ATRAID: variants seen among roughly 807,000 people sequenced by gnomAD.
The protein encoded by ATRAID is all-trans retinoic acid-induced differentiation factor.
A neutral mutation model predicts 28.8 loss-of-function variants in ATRAID; 26 were observed. The ratio of observed to expected loss-of-function variants is 0.90; its 90% CI spans 0.66 to 1.25. The LOEUF (loss-of-function observed/expected upper bound fraction) is 1.25. Ranked by LOEUF, ATRAID falls within the 50% of genes most tolerant of loss-of-function variation. The probability of loss-of-function intolerance (pLI) is 0.00; values close to 1 mark genes in which losing one functional copy is unlikely to be tolerated. For missense variants in ATRAID, 308 were observed against 285.9 expected (o/e 1.08, Z -0.56); for synonymous variants, 131 against 108.5 (o/e 1.21, Z -1.29).
At chr2:27,212,885 G>T in intron 1 of ATRAID, 1 of 455,822 alleles carries the variant, frequency 2.2e-6, no homozygotes, top group Non-Finnish European at 3.8e-6. Flanking sequence ...AGAAGTCTCT[G>T]CAGAAAGCAT....
At chr2:27,216,438 G>A in intron 5 of ATRAID, 85 bp from the exon 6 acceptor site, 1 of 1,069,534 alleles carries the variant, frequency 9.3e-7, no homozygotes, top group Non-Finnish European at 1.4e-6. Context: ...CAATGATTGA[G>A]AGAATCTAAG....
intron 5 of ATRAID, 51 bp from the exon 6 acceptor site, chr2:27,216,472 T>C (rs761831198): frequency 2.0e-5 from 27 of 1,330,712 alleles, no homozygotes; most frequent in Non-Finnish European, 2.9e-5. Flanking sequence ...TTGAGAAATA[T>C]GCCTAATGAA....
In ATRAID at chr2:27,216,595, T is replaced by G; in HGVS notation, c.560T>G (p.Phe187Cys). 6.2e-7 allele frequency: 1 copy of G among 1,614,124 alleles called. No individual in the cohort carries two copies. ...TTGCAGTGTGTTTGTGCTGATGGTT[T>G]CCATGGATACAAGTGTATGCGCCAG... is the stretch of plus-strand genomic sequence containing the variant. Reference protein sequence around the residue: ...GLLQCVCADGFHGYKCMRQGS... With the variant: ...GLLQCVCADGCHGYKCMRQGS... The change falls in exon 6 of 7, where the codon TTC becomes TGC. Residue 187 changes from phenylalanine (F) to cysteine (C), a missense_variant. By Grantham distance (205) the Phe-to-Cys change is radical. Transcript: ENST00000380171.
At position 27,212,067 on chromosome 2, in the gene ATRAID, C is replaced by T; in HGVS notation, c.-302C>T. 8.4e-7 allele frequency: 1 copy of T among 1,191,936 alleles called. No homozygotes were observed. Among genetic ancestry groups the T allele is most frequent in the Non-Finnish European group, 1.1e-6 (1 of 876,600 alleles). 73.8% of individuals were successfully genotyped at this position (1,191,936 alleles called of 1,614,324 possible). The stretch of plus-strand genomic sequence containing the variant: ...AGTTTCTGCGAAGCCGCGACCTCGG[C>T]GTCCGGACGCGGGGAACACCGGGCT... On this transcript the variant is annotated 5_prime_UTR_variant, in exon 1 of 7. Coordinates refer to ENST00000380171, the MANE Select transcript of ATRAID (RefSeq NM_001170795.4).
intron 1 of ATRAID, 22 bp from the exon 2 acceptor site, chr2:27,213,155 A>G (rs1674672320): frequency 1.2e-6 from 2 of 1,605,964 alleles, no homozygotes; most frequent in Non-Finnish European, 1.7e-6. Flanking sequence ...CTGGAGTTCT[A>G]ATGTTTCTTT....
chr2:27,216,797 C>T lies in ATRAID; in HGVS notation c.586-47C>T, dbSNP rs762897150. On this transcript the variant is annotated intron_variant, in intron 6 of 6. Coordinates refer to ENST00000380171, the MANE Select transcript of ATRAID (RefSeq NM_001170795.4). ...AAGAACTAGGTGTTAGGATGTGGCC[C>T]TCCGTGTAACGTTGTATGGGGGTGT... is the stretch of plus-strand genomic sequence containing the variant. 9 of 1,540,232 alleles carry T rather than the reference C, an allele frequency of 5.8e-6. No individual in the cohort carries two copies. The Admixed American group carries it at 1.5e-4, about 26-fold the overall frequency.
At chr2:27,212,499 C>G in intron 1 of ATRAID, 32 bp downstream of exon 1, 1 of 1,544,046 alleles carries the variant, frequency 6.5e-7, no homozygotes, top group Admixed American at 2.1e-5. Context: ...CGGGCTGAAG[C>G]AGGGTCGCTG....
chr2:27,212,072 G>T lies in ATRAID; in HGVS notation c.-297G>T. 5 of 1,263,266 alleles carry T rather than the reference G, an allele frequency of 4.0e-6. No individual in the cohort carries two copies. Among genetic ancestry groups the T allele is most frequent in the Non-Finnish European group, 5.3e-6 (5 of 941,030 alleles). The allele number at this position is 1,263,266 out of a possible 1,614,324, so 78.3% of individuals were successfully genotyped here. A position where few individuals can be genotyped will look rare whatever the true frequency, so the allele number is the denominator to read the frequency against. On this transcript the variant is annotated 5_prime_UTR_variant, in exon 1 of 7. Coordinates refer to ENST00000380171, the MANE Select transcript of ATRAID (RefSeq NM_001170795.4). ...CTGCGAAGCCGCGACCTCGGCGTCC[G>T]GACGCGGGGAACACCGGGCTGAGGG...
intron 2 of ATRAID, chr2:27,213,545 T>C (rs1388885722): frequency 2.8e-6 from 1 of 351,246 alleles, no homozygotes; most frequent in Non-Finnish European, 5.1e-6. Flanking sequence ...ACTCAAAATG[T>C]TATGTTTTGC....
Position 27,212,050 on chromosome 2 carries a change from C to A in ATRAID, c.-319C>A. 9.7e-7 allele frequency: 1 copy of A among 1,033,734 alleles called. No homozygotes were observed. The highest frequency in any genetic ancestry group is 1.4e-6 in the Non-Finnish European group (1 of 736,188). 64.0% of individuals were successfully genotyped at this position (1,033,734 alleles called of 1,614,324 possible). A position where few individuals can be genotyped will look rare whatever the true frequency, so the allele number is the denominator to read the frequency against. ...GCGGATGGAGGGGCCCGAGTTTCTG[C>A]GAAGCCGCGACCTCGGCGTCCGGAC... is the stretch of plus-strand genomic sequence containing the variant. On this transcript the variant is annotated 5_prime_UTR_variant, in exon 1 of 7. Coordinates refer to ENST00000380171, the MANE Select transcript of ATRAID (RefSeq NM_001170795.4).
At position 27,216,941 on chromosome 2, in the gene ATRAID, C is replaced by T. The variant is rs1428739106; in HGVS notation, c.683C>T (p.Thr228Ile). The change falls in exon 7 of 7, where the codon ACT becomes ATT. Residue 228 changes from threonine to isoleucine, a missense_variant. Thr to Ile is a moderately conservative substitution (Grantham distance 89). Transcript: ENST00000380171. ...LWATQRRKAK[T>I]S is the part of the protein sequence containing the mutation. Reference sequence around the variant, plus strand: ...GCGACCCAGCGCCGAAAAGCCAAGACTTCATGAACTACATAGGTCTTACCA... The same window carrying T: ...GCGACCCAGCGCCGAAAAGCCAAGATTTCATGAACTACATAGGTCTTACCA... 6.2e-7 allele frequency: 1 copy of T among 1,608,864 alleles called. No homozygotes were observed. The highest frequency in any genetic ancestry group is 2.2e-5 in the East Asian group (1 of 44,830).
chr2:27,212,701 T>G (rs1327683003), intron 1 of ATRAID: 8 of 1,301,094 alleles, frequency 6.1e-6, no homozygotes, highest in Non-Finnish European at 8.0e-6. Context: ...GCCCCTTAAT[T>G]TTAGAATAAC....
At chr2:27,216,686 G>A in intron 6 of ATRAID, 66 bp downstream of exon 6, 1 of 1,503,444 alleles carries the variant, frequency 6.7e-7, no homozygotes, top group Admixed American at 1.7e-5. Context: ...TCAGAAAGGA[G>A]AGCCACAAGA....
Position 27,212,099 on chromosome 2 carries a change from G to C in ATRAID, c.-270G>C. ...ACGCGGGGAACACCGGGCTGAGGGA[G>C]TCTGCAGTCGGCTCCGGGAAGCCGC... is the stretch of plus-strand genomic sequence containing the variant. On this transcript the variant is annotated 5_prime_UTR_variant, in exon 1 of 7. Transcript: ENST00000380171. 1 of 1,444,004 alleles carries C rather than the reference G, an allele frequency of 6.9e-7. No individual in the cohort carries two copies. The highest frequency in any genetic ancestry group is 9.2e-7 in the Non-Finnish European group (1 of 1,085,472). The allele number at this position is 1,444,004 out of a possible 1,614,324, so 89.4% of individuals were successfully genotyped here. A position where few individuals can be genotyped will look rare whatever the true frequency, so the allele number is the denominator to read the frequency against.
intron 1 of ATRAID, 115 bp from the exon 2 acceptor site, chr2:27,213,062 C>A: frequency 7.6e-7 from 1 of 1,317,736 alleles, no homozygotes. Flanking sequence ...ATCCATTTAT[C>A]GGCCCCGTGT....
chr2:27,212,881 C>A lies in ATRAID; in HGVS notation c.100-296C>A, dbSNP rs944669957. The A allele has an allele frequency of 5.8e-5, 26 of 451,954 alleles. No individual in the cohort carries two copies. In the South Asian group the frequency reaches 5.9e-4, roughly 10 times the overall value. 28.0% of individuals were successfully genotyped at this position (451,954 alleles called of 1,614,324 possible). A position where few individuals can be genotyped will look rare whatever the true frequency, so the allele number is the denominator to read the frequency against. On this transcript the variant is annotated intron_variant, in intron 1 of 6. Coordinates refer to ENST00000380171, the MANE Select transcript of ATRAID (RefSeq NM_001170795.4). ...AACTAGGGCTGTCAGATTGAGAAGTCTCTGCAGAAAGCATAATAAATAAGT... is the reference window on the plus strand; with the variant it reads ...AACTAGGGCTGTCAGATTGAGAAGTATCTGCAGAAAGCATAATAAATAAGT...
chr2:27,216,464 G>A, intron 5 of ATRAID, 59 bp from the exon 6 acceptor site: 1 of 1,299,186 alleles, frequency 7.7e-7, no homozygotes. Context: ...ACAGATAATT[G>A]AGAAATATGC....
chr2:27,215,752 A>T lies in ATRAID; in HGVS notation c.486A>T (p.Pro162=), dbSNP rs1054080599. The change falls in exon 5 of 7, where the codon CCA becomes CCT. Residue 162 remains proline, a splice_region_variant and synonymous_variant. Coordinates refer to ENST00000380171, the MANE Select transcript of ATRAID (RefSeq NM_001170795.4). ...QKNLCNNTGD[P]EMCPENGSCV... ...ACCTTTGCAATAACACTGGGGACCC[A>T]GGTATGCTGTCTTACCTCCAAACTT... 1.2e-6 allele frequency: 2 copies of T among 1,613,988 alleles called. No individual in the cohort carries two copies. The highest frequency in any genetic ancestry group is 1.7e-6 in the Non-Finnish European group (2 of 1,179,954).
intron 1 of ATRAID, 128 bp downstream of exon 1, chr2:27,212,595 C>T: frequency 2.1e-6 from 3 of 1,446,256 alleles, no homozygotes; most frequent in Non-Finnish European, 1.8e-6. Flanking sequence ...GCTTCCCGAC[C>T]CTGCCCAGCC....
Sources: allele counts gnomAD v4.1 joint callset, GRCh38; gene constraint gnomAD v4.1.1; transcripts MANE v1.5; gene names NCBI Gene and HGNC (gene_info 2026-07-23, HGNC 2026-07-21).